CNTRL: variants seen among roughly 807,000 people sequenced by gnomAD.
CNTRL encodes the protein centriolin, also known as 110 kDa centrosomal protein.
A neutral mutation model predicts 303.7 loss-of-function variants in CNTRL; 233 were observed. That is an observed-to-expected ratio of 0.77 (90% CI 0.69 to 0.86). The LOEUF (loss-of-function observed/expected upper bound fraction) is 0.86, where lower values mean the gene tolerates loss of function less well. Among genes scored for constraint, CNTRL ranks in the 40% least tolerant of loss-of-function variants. The pLI, the probability that CNTRL is intolerant of heterozygous loss-of-function variation, is 0.00. For missense variants in CNTRL, 2,524 were observed against 2,650.6 expected (o/e 0.95, Z 1.05); for synonymous variants, 900 against 922.2 (o/e 0.98, Z 0.44).
rs2051328769 is a variant in CNTRL at position 121,138,645 on chromosome 9, A to G, written c.2303A>G (p.Asn768Ser). 1 of 1,613,976 alleles carries G rather than the reference A, an allele frequency of 6.2e-7. No homozygotes were observed. Among genetic ancestry groups the G allele is most frequent in the Non-Finnish European group, 8.5e-7 (1 of 1,179,848 alleles). The change falls in exon 16 of 44, where the codon AAC (asparagine) becomes AGC (serine). Residue 768 changes from asparagine (N) to serine (S), a missense_variant. Transcript: ENST00000373855. ...TTCTCAGAAGAAAAGGAGCAAGAGA[A>G]CAGTGAGCTCCATGCAAAACTTAAA... ...AQFSEEKEQE[N>S]SELHAKLKHL...
At chr9:121,134,713 C>T (rs541882197) in intron 14 of CNTRL, among the ~76,000 whole-genome samples, 9 of 152,304 alleles carry the variant, frequency 5.9e-5, no homozygotes, top group African/African-American at 1.7e-4. Flanking sequence ...GAACCACGTT[C>T]TGGGTTTGAC....
chr9:121,154,689 A>G, intron 26 of CNTRL, 32 bp from the exon 27 acceptor site: 4 of 1,369,624 alleles, frequency 2.9e-6, no homozygotes, highest in Non-Finnish European at 4.1e-6. Flanking sequence ...TACATTTAAC[A>G]TTTTTTAATG....
At chr9:121,162,370 T>C in intron 34 of CNTRL, 99 bp downstream of exon 34, 1 of 980,254 alleles carries the variant, frequency 1.0e-6, no homozygotes, top group Non-Finnish European at 1.6e-6. Context: ...AAAGATAAAA[T>C]ACACCACAAA....
chr9:121,173,339 T>G lies in CNTRL; in HGVS notation c.6514T>G (p.Leu2172Val). 6.2e-7 allele frequency: 1 copy of G among 1,614,202 alleles called. No homozygotes were observed. Among genetic ancestry groups the G allele is most frequent in the South Asian group, 1.1e-5 (1 of 91,092 alleles). ...SEVKDEIRTS[L>V]KNLNQFLPEL... ...GGTGAAGGATGAAATCAGAACCAGC[T>G]TGAAGAATCTTAATCAGTTTCTTCC... The change falls in exon 41 of 44, where the codon TTG (leucine) becomes GTG (valine). Residue 2172 changes from leucine to valine, a missense_variant. Leu to Val is a conservative substitution (Grantham distance 32). Coordinates refer to ENST00000373855, the MANE Select transcript of CNTRL (RefSeq NM_007018.6).
Position 121,138,530 on chromosome 9 carries a change from T to C in CNTRL, c.2203-15T>C. ...CTGTTTTACACTTTCATGTCATTGC[T>C]TCCTATGGTGACAGTTAGAACAATC... On this transcript the variant is annotated splice_polypyrimidine_tract_variant and intron_variant, in intron 15 of 43. Coordinates refer to ENST00000373855, the MANE Select transcript of CNTRL (RefSeq NM_007018.6). The C allele has an allele frequency of 2.5e-6, 4 of 1,610,130 alleles. No homozygotes were observed. Among genetic ancestry groups the C allele is most frequent in the Non-Finnish European group, 3.4e-6 (4 of 1,178,130 alleles).
chr9:121,105,005 C>T (rs374789498), intron 7 of CNTRL, among the ~76,000 whole-genome samples: 5 of 152,062 alleles, frequency 3.3e-5, no homozygotes, highest in Non-Finnish European at 5.9e-5. Context: ...CCACCATGCC[C>T]GGCTGCCATT....
chr9:121,161,752 A>T (rs41296075), intron 32 of CNTRL, 104 bp from the exon 33 acceptor site: 10 of 782,412 alleles, frequency 1.3e-5, no homozygotes, highest in African/African-American at 3.5e-5. Context: ...CAAAATTTTT[A>T]AAATTGTCTT....
intron 7 of CNTRL, among the ~76,000 whole-genome samples, chr9:121,104,170 A>G (rs2049330262): frequency 6.6e-6 from 1 of 152,254 alleles, no homozygotes; most frequent in Admixed American, 6.5e-5. Flanking sequence ...TGTGGCACAT[A>G]TACACCATGG....
chr9:121,122,119 G>C (rs190137438), intron 12 of CNTRL, among the ~76,000 whole-genome samples: 1 of 152,272 alleles, frequency 6.6e-6, no homozygotes, highest in East Asian at 1.9e-4. Context: ...TATTGAACCA[G>C]ATTTTTATCC....
chr9:121,154,776 T>A lies in CNTRL; in HGVS notation c.4228T>A (p.Ser1410Thr). ...TATGACTGAACTAGAAATAGAAAAA[T>A]CACTCAAACATCATGAAGATATTGT... ...SLMTELEIEK[S>T]LKHHEDIVDE... Residue 1410 changes from serine (S) to threonine (T), a missense_variant, in exon 27 of 44, where the codon TCA (serine) becomes ACA (threonine). Transcript: ENST00000373855. The A allele has an allele frequency of 6.2e-7, 1 of 1,611,832 alleles. No individual in the cohort carries two copies. The highest frequency in any genetic ancestry group is 8.5e-7 in the Non-Finnish European group (1 of 1,177,990).
intron 38 of CNTRL, among the ~76,000 whole-genome samples, chr9:121,169,099 C>T (rs1335293178): frequency 6.6e-6 from 1 of 152,182 alleles, no homozygotes; most frequent in Non-Finnish European, 1.5e-5. Context: ...CTGTCGAGTA[C>T]TCACTATGTA....
At chr9:121,148,058 G>A (rs945576250) in intron 23 of CNTRL, among the ~76,000 whole-genome samples, 3 of 152,084 alleles carry the variant, frequency 2.0e-5, no homozygotes, top group Non-Finnish European at 2.9e-5. Flanking sequence ...GGCCATCAAG[G>A]ATGAGGTTAA....
chr9:121,090,895 T>G (rs1239143269), intron 4 of CNTRL, among the ~76,000 whole-genome samples: 1 of 152,210 alleles, frequency 6.6e-6, no homozygotes, highest in East Asian at 1.9e-4. Context: ...ACTTACAGTT[T>G]CACGTGGCTG....
At chr9:121,173,792 G>A in intron 42 of CNTRL, 55 bp downstream of exon 42, 3 of 1,516,222 alleles carry the variant, frequency 2.0e-6, no homozygotes, top group South Asian at 2.2e-5. Flanking sequence ...ACATTGGGGA[G>A]GGGAGGGGAA....
intron 7 of CNTRL, among the ~76,000 whole-genome samples, chr9:121,104,757 A>G (rs1289841145): frequency 1.5e-5 from 2 of 135,514 alleles, no homozygotes; most frequent in Non-Finnish European, 3.0e-5. Context: ...GCTGGAGTGC[A>G]ATGGTGCGAT....
chr9:121,081,759 A>T (rs891686456), intron 2 of CNTRL, among the ~76,000 whole-genome samples: 2 of 152,216 alleles, frequency 1.3e-5, no homozygotes, highest in Non-Finnish European at 2.9e-5. Context: ...TGTTCAGCTA[A>T]TTGGAAGTTC....
At chr9:121,097,284 G>C (rs2048930760) in intron 6 of CNTRL, among the ~76,000 whole-genome samples, 2 of 152,086 alleles carry the variant, frequency 1.3e-5, no homozygotes, top group African/African-American at 2.4e-5. Flanking sequence ...AATGAAAGAT[G>C]TGACTTCAAA....
chr9:121,098,736 C>T (rs72760216), intron 7 of CNTRL, among the ~76,000 whole-genome samples, 164 bp downstream of exon 7: 12,179 of 151,934 alleles, frequency 0.08, 537 homozygotes, highest in Non-Finnish European at 0.11. Context: ...GTACTGTGCA[C>T]CAGGCAACTG....
chr9:121,175,350 T>C, intron 43 of CNTRL, 126 bp downstream of exon 43: 2 of 810,832 alleles, frequency 2.5e-6, no homozygotes, highest in Non-Finnish European at 4.1e-6. Flanking sequence ...CACTGCAGCC[T>C]TGACCTCCCA....
Sources: gnomAD v4.1 joint callset for allele counts (sites outside exome capture counted in the v4.1 genomes callset) on GRCh38, gnomAD v4.1.1 for gene constraint, MANE v1.5 for transcripts, NCBI Gene and HGNC (gene_info 2026-07-23, HGNC 2026-07-21) for gene names.